The following CDC14A variants were observed in gnomAD, a reference collection of about 807,000 sequenced individuals.
CDC14A encodes dual specificity protein phosphatase CDC14A.
Under a neutral mutation model 74.4 loss-of-function variants are expected in CDC14A, and 53 were observed. The ratio of observed to expected loss-of-function variants is 0.71; its 90% confidence interval spans 0.57 to 0.89. The LOEUF is 0.89. Among genes scored for constraint, CDC14A ranks in the 40% least tolerant of loss-of-function variants. CDC14A has a pLI of 0.00. For synonymous variants in CDC14A, 247 were observed against 258.4 expected (o/e 0.96, Z 0.43); for missense variants, 646 against 713.7 (o/e 0.91, Z 1.08).
At chr1:100,358,897 G>T (rs2100888400) in intron 2 of CDC14A, among the ~76,000 whole-genome samples, 1 of 152,276 alleles carries the variant, frequency 6.6e-6, no homozygotes, top group East Asian at 1.9e-4. Context: ...GTTAGAGGTA[G>T]GTCAGGAGAA....
chr1:100,507,854 AT>A (rs1649376894), intron 15 of CDC14A, among the ~76,000 whole-genome samples: 1 of 150,704 alleles, frequency 6.6e-6, no homozygotes, highest in Non-Finnish European at 1.5e-5. Flanking sequence ...TAATTTTTGT[AT>A]TTTTAGTAGA....
intron 6 of CDC14A, among the ~76,000 whole-genome samples, chr1:100,441,570 G>C (rs897833695): frequency 3.3e-5 from 5 of 150,462 alleles, no homozygotes; most frequent in Non-Finnish European, 7.4e-5. Flanking sequence ...AAAATACAGA[G>C]GAAAAAAAAG....
intron 4 of CDC14A, among the ~76,000 whole-genome samples, chr1:100,403,909 C>G (rs1353980940): frequency 6.6e-6 from 1 of 152,090 alleles, no homozygotes; most frequent in Non-Finnish European, 1.5e-5. Context: ...ATATAATGTC[C>G]CATTCACCTC....
intron 10 of CDC14A, among the ~76,000 whole-genome samples, chr1:100,476,942 A>G (rs189226562): frequency 1.3e-5 from 2 of 152,304 alleles, no homozygotes; most frequent in East Asian, 3.9e-4. Flanking sequence ...TCCTTAGAAG[A>G]GGGACCCAGG....
chr1:100,394,451 T>C (rs1640883735), intron 4 of CDC14A, among the ~76,000 whole-genome samples: 2 of 152,198 alleles, frequency 1.3e-5, no homozygotes, highest in African/African-American at 4.8e-5. Context: ...TTCTTCCTGT[T>C]TTGTTTAGTG....
At chr1:100,444,797 G>T (rs965982430) in intron 7 of CDC14A, among the ~76,000 whole-genome samples, 2 of 151,976 alleles carry the variant, frequency 1.3e-5, no homozygotes, top group Admixed American at 6.6e-5. Flanking sequence ...TCCTTATTAG[G>T]TTGCAAATTC....
rs756917387 is a variant in CDC14A, at chr1:100,462,770, G to A, written c.727G>A (p.Glu243Lys). Residue 243 changes from glutamate (E) to lysine (K), a missense_variant, in exon 9 of 16, where the codon GAG (glutamate) becomes AAG (lysine). By Grantham distance (56) the Glu-to-Lys change is moderately conservative (BLOSUM62 1). Transcript: ENST00000336454. ...EAKRFTDAGF[E>K]HYDLFFIDGS... is the part of the protein sequence containing the mutation. ...AAAGCGCTTCACAGACGCTGGCTTC[G>A]AGCACTATGACCTCTTCTTCATAGA... 10 of 1,613,910 alleles carry A rather than the reference G, an allele frequency of 6.2e-6. No homozygotes were observed. The highest frequency in any genetic ancestry group is 3.3e-5 in the Admixed American group (2 of 59,992).
chr1:100,441,974 T>C (rs1664980796), intron 6 of CDC14A, among the ~76,000 whole-genome samples: 1 of 152,262 alleles, frequency 6.6e-6, no homozygotes. Flanking sequence ...GACTTGATCA[T>C]GTAACTTTTA....
At chr1:100,409,712 C>T (rs1035682612) in intron 4 of CDC14A, among the ~76,000 whole-genome samples, 39 of 152,196 alleles carry the variant, frequency 2.6e-4, no homozygotes, top group African/African-American at 9.2e-4. Flanking sequence ...CCCTTGACTC[C>T]TGTCACCAAG....
chr1:100,471,801 G>A (rs1213172433), intron 10 of CDC14A, among the ~76,000 whole-genome samples: 4 of 152,090 alleles, frequency 2.6e-5, no homozygotes, highest in African/African-American at 4.8e-5. Flanking sequence ...GGAAAAAGAA[G>A]AACCTTGGCT....
At chr1:100,491,552 A>C (rs5007746) in intron 11 of CDC14A, among the ~76,000 whole-genome samples, 2,298 of 31,064 alleles carry the variant, frequency 0.074, 75 homozygotes, top group East Asian at 0.18. Flanking sequence ...CTCTCTCTAT[A>C]TATATATATA....
intron 5 of CDC14A, among the ~76,000 whole-genome samples, chr1:100,430,289 C>T (rs560578608): frequency 1.3e-4 from 20 of 152,246 alleles, no homozygotes; most frequent in Admixed American, 9.8e-4. Flanking sequence ...AGTTTTCTTG[C>T]TGTTGTGAGG....
chr1:100,428,032 G>A (rs139779939), intron 5 of CDC14A, among the ~76,000 whole-genome samples: 3,003 of 152,212 alleles, frequency 0.02, 109 homozygotes, highest in African/African-American at 0.069. Flanking sequence ...GTTGTATAAT[G>A]GTATGTTAGG....
At position 100,519,723 on chromosome 1, in the gene CDC14A, C is replaced by T. The variant is rs1458173256; in HGVS notation, c.*1443C>T. The T allele has an allele frequency of 6.6e-6, 1 of 152,384 alleles. No individual in the cohort carries two copies. The highest frequency in any genetic ancestry group is 1.5e-5 in the Non-Finnish European group (1 of 67,954). The allele number at this position is 152,384 out of a possible 1,614,324, so 9.4% of individuals were successfully genotyped here. A position where few individuals can be genotyped will look rare whatever the true frequency, so the allele number is the denominator to read the frequency against. On this transcript the variant is annotated 3_prime_UTR_variant, in exon 16 of 16. Transcript: ENST00000336454. ...TCAGTAACTGCAGTACCAAAAATTACACTCAACTGATGAAAAAAACGAATT... is the reference window on the plus strand; with the variant it reads ...TCAGTAACTGCAGTACCAAAAATTATACTCAACTGATGAAAAAAACGAATT...
chr1:100,358,417 C>G (rs766036000), intron 2 of CDC14A, among the ~76,000 whole-genome samples: 2 of 152,188 alleles, frequency 1.3e-5, no homozygotes, highest in Non-Finnish European at 2.9e-5. Flanking sequence ...GTTGGATGTT[C>G]ATGGCATAGA....
intron 15 of CDC14A, among the ~76,000 whole-genome samples, chr1:100,509,207 G>A (rs1251868795): frequency 3.9e-5 from 6 of 152,106 alleles, no homozygotes; most frequent in Non-Finnish European, 7.3e-5. Flanking sequence ...TCCATCAGGA[G>A]TTGGGCTAAG....
At position 100,455,446 on chromosome 1, in the gene CDC14A, A is replaced by T; in HGVS notation, c.561A>T (p.Lys187Asn). 6.2e-7 allele frequency: 1 copy of T among 1,601,832 alleles called. No homozygotes were observed. Among genetic ancestry groups the T allele is most frequent in the Non-Finnish European group, 8.5e-7 (1 of 1,176,672 alleles). ...ACTTCAACTGGATTGTTCCAGGAAA[A>T]TTTTTAGCATTTAGTGGACCACATC... is the stretch of plus-strand genomic sequence containing the variant. The part of the protein sequence containing the change: ...NGDFNWIVPG[K>N]FLAFSGPHPK... Residue 187 changes from lysine (K) to asparagine (N), a missense_variant, in exon 8 of 16, where the codon AAA becomes AAT. Physicochemically the swap from Lys to Asn is moderately conservative, Grantham distance 94. Transcript: ENST00000336454.
chr1:100,454,602 C>T (rs956120939), intron 7 of CDC14A, among the ~76,000 whole-genome samples: 1 of 152,182 alleles, frequency 6.6e-6, no homozygotes, highest in Middle Eastern at 3.4e-3. Flanking sequence ...GATCTCTTAG[C>T]GTGTTTAGAC....
chr1:100,517,495 CTGTT>C (rs1237311438), intron 15 of CDC14A, among the ~76,000 whole-genome samples: 4 of 152,102 alleles, frequency 2.6e-5, no homozygotes, highest in African/African-American at 7.2e-5. Flanking sequence ...AAAAAAATAA[CTGTT>C]TGGCAAACTT....
Sources: allele counts gnomAD v4.1 joint callset (sites outside exome capture counted in the v4.1 genomes callset), GRCh38; gene constraint gnomAD v4.1.1; transcripts MANE v1.5; gene names NCBI Gene and HGNC (gene_info 2026-07-23, HGNC 2026-07-21).